Variants in KCTD8 observed in about 807,000 individuals in gnomAD.
KCTD8 encodes the protein BTB/POZ domain-containing protein KCTD8.
Under a neutral mutation model 31.5 loss-of-function variants are expected in KCTD8, and 27 were observed. The observed-to-expected ratio is 0.86, with a 90% CI of 0.63 to 1.18. The LOEUF (loss-of-function observed/expected upper bound fraction) is 1.18. KCTD8 is among the 50% of genes most tolerant of loss of function. The pLI is 0.00. For synonymous variants in KCTD8, 290 were observed against 280.0 expected, an observed-to-expected ratio of 1.04 and a Z score of -0.36; for missense variants, 658 against 647.7, an observed-to-expected ratio of 1.02 and a Z score of -0.17.
At chr4:44,371,020 G>C (rs555689918) in intron 1 of KCTD8, among the ~76,000 whole-genome samples, 1 of 152,164 alleles carries the variant, frequency 6.6e-6, no homozygotes, top group South Asian at 2.1e-4. Context: ...AGGAAAGGCA[G>C]TGGTGAAATT....
In KCTD8 at chr4:44,188,130, C is replaced by A. The variant is rs186474806; in HGVS notation, c.962-12880G>T. ...CTTCAGATCTTAAGTGCCTGCCTGC[C>A]AATAAATGTTTTCAAGTATTTCCAA... On this transcript the variant is annotated intron_variant, in intron 1 of 1. Coordinates refer to ENST00000360029, the MANE Select transcript of KCTD8 (RefSeq NM_198353.3). Among the ~76,000 whole-genome samples, 399 of 152,234 alleles carry A rather than the reference C, an allele frequency of 2.6e-3. 1 individual carries two copies. The highest frequency in any genetic ancestry group is 9.2e-3 in the African/African-American group (382 of 41,530).
chr4:44,370,672 A>G (rs1246402893), intron 1 of KCTD8, among the ~76,000 whole-genome samples: 1 of 152,212 alleles, frequency 6.6e-6, no homozygotes, highest in Admixed American at 6.5e-5. Flanking sequence ...CTGGTTTTTT[A>G]TAAGCAAAAA....
chr4:44,302,304 T>C (rs559418437), intron 1 of KCTD8, among the ~76,000 whole-genome samples: 2 of 152,304 alleles, frequency 1.3e-5, no homozygotes, highest in East Asian at 1.9e-4. Flanking sequence ...TAAATTACCT[T>C]GGGCAGGATG....
chr4:44,438,442 A>G (rs1307787272), intron 1 of KCTD8, among the ~76,000 whole-genome samples: 1 of 152,174 alleles, frequency 6.6e-6, no homozygotes. Flanking sequence ...AAAGATTATG[A>G]TTAAGAAGTG....
intron 1 of KCTD8, among the ~76,000 whole-genome samples, chr4:44,359,455 C>T (rs186391401): frequency 1.7e-3 from 257 of 152,038 alleles, no homozygotes; most frequent in African/African-American, 5.7e-3. Flanking sequence ...CTAAATCATC[C>T]GTTATTTGTA....
chr4:44,232,731 T>TG (rs1329576714), intron 1 of KCTD8, among the ~76,000 whole-genome samples: 1 of 152,170 alleles, frequency 6.6e-6, no homozygotes, highest in Non-Finnish European at 1.5e-5. Flanking sequence ...TAGTTTCCTT[T>TG]GGGGAAACAG....
At chr4:44,269,974 T>A (rs956547030) in intron 1 of KCTD8, among the ~76,000 whole-genome samples, 2 of 152,210 alleles carry the variant, frequency 1.3e-5, no homozygotes, top group African/African-American at 4.8e-5. Flanking sequence ...ATTGTGGAAG[T>A]CAGTGTGGTG....
chr4:44,339,606 C>A (rs1273350221), intron 1 of KCTD8, among the ~76,000 whole-genome samples: 1 of 152,038 alleles, frequency 6.6e-6, no homozygotes, highest in Non-Finnish European at 1.5e-5. Context: ...GGTTTTAACA[C>A]TCTTCTCTCA....
chr4:44,349,679 A>T (rs1350914552), intron 1 of KCTD8, among the ~76,000 whole-genome samples: 1 of 152,164 alleles, frequency 6.6e-6, no homozygotes, highest in African/African-American at 2.4e-5. Flanking sequence ...TTACACGACT[A>T]GATTTGACCT....
intron 1 of KCTD8, among the ~76,000 whole-genome samples, chr4:44,179,031 G>C (rs144575855): frequency 1.3e-5 from 2 of 152,078 alleles, no homozygotes; most frequent in Non-Finnish European, 2.9e-5. Context: ...AGTGGGTGAG[G>C]ACAAAAAGAT....
chr4:44,333,044 T>C (rs1186663446), intron 1 of KCTD8, among the ~76,000 whole-genome samples: 2 of 152,098 alleles, frequency 1.3e-5, no homozygotes, highest in Non-Finnish European at 2.9e-5. Context: ...TTTGTATCAA[T>C]TGGCCATAAT....
Position 44,349,344 on chromosome 4 carries a change from C to T in KCTD8, c.961+98219G>A, listed in dbSNP as rs531713923. On this transcript the variant is annotated intron_variant, in intron 1 of 1. Coordinates refer to ENST00000360029, the MANE Select transcript of KCTD8 (RefSeq NM_198353.3). ...GGGAGTATGGGTGAGGAAAACAGCA[C>T]TGGGCAGGGGGCACCTCAGATCACA... 5.9e-5 allele frequency among the ~76,000 whole-genome samples: 9 copies of T among 152,222 alleles called. No individual in the cohort carries two copies. In the East Asian group the frequency reaches 1.4e-3, roughly 23 times the overall value.
chr4:44,242,522 G>T (rs1715533952), intron 1 of KCTD8, among the ~76,000 whole-genome samples: 2 of 152,042 alleles, frequency 1.3e-5, no homozygotes, highest in African/African-American at 4.8e-5. Flanking sequence ...AGCTTGCAGT[G>T]AGCCGAGATA....
chr4:44,260,981 T>C (rs560318753), intron 1 of KCTD8, among the ~76,000 whole-genome samples: 1 of 152,074 alleles, frequency 6.6e-6, no homozygotes, highest in Non-Finnish European at 1.5e-5. Context: ...AAGATGAAAG[T>C]AACGTAATAA....
chr4:44,360,732 T>C (rs1340413355), intron 1 of KCTD8, among the ~76,000 whole-genome samples: 3 of 152,004 alleles, frequency 2.0e-5, no homozygotes, highest in Non-Finnish European at 4.4e-5. Flanking sequence ...CTTTTAATTT[T>C]AAAAAATATA....
At chr4:44,296,234 T>C (rs1463857957) in intron 1 of KCTD8, among the ~76,000 whole-genome samples, 3 of 152,056 alleles carry the variant, frequency 2.0e-5, no homozygotes, top group Non-Finnish European at 4.4e-5. Context: ...CCCTTTTTTT[T>C]CTGATCCTTA....
rs1553895184 is a variant in KCTD8 at position 44,235,578 on chromosome 4, T to TTAG, written c.962-60329_962-60328insCTA. On this transcript the variant is annotated intron_variant, in intron 1 of 1. Transcript: ENST00000360029. ...ATATATATATATATATATATATATT[T>TTAG]AGAGAGAGAGAGAGAGAGAGAGAGA... Among the ~76,000 whole-genome samples, 357 of 63,420 alleles carry TTAG rather than the reference T, an allele frequency of 5.6e-3. 2 individuals are homozygous for TTAG. The highest frequency in any genetic ancestry group is 8.8e-3 in the Non-Finnish European group (265 of 29,944). The allele number at this position is 63,420 out of a possible 152,430, so 41.6% of individuals were successfully genotyped here.
intron 1 of KCTD8, among the ~76,000 whole-genome samples, chr4:44,317,778 T>G (rs1236035663): frequency 1.3e-5 from 2 of 152,190 alleles, no homozygotes; most frequent in Admixed American, 6.5e-5. Context: ...GTTTGCCAAC[T>G]CTTGATGAAA....
chr4:44,317,440 C>T (rs911692982), intron 1 of KCTD8, among the ~76,000 whole-genome samples: 32 of 140,282 alleles, frequency 2.3e-4, no homozygotes, highest in African/African-American at 8.6e-4. Context: ...GGGGTTTCAC[C>T]TTGTTAGCCA....
Sources: gnomAD v4.1 joint callset for allele counts (sites outside exome capture counted in the v4.1 genomes callset) on GRCh38, gnomAD v4.1.1 for gene constraint, MANE v1.5 for transcripts, NCBI Gene and HGNC (gene_info 2026-07-23, HGNC 2026-07-21) for gene names.